The following ATP11A variants were observed in gnomAD, a reference collection of about 807,000 sequenced individuals.
ATP11A encodes the protein ATPase phospholipid transporting 11A.
In ATP11A, 81 loss-of-function variants were observed where a neutral mutation model predicts 154.4. The observed-to-expected ratio is 0.52, with a 90% CI of 0.44 to 0.63. The LOEUF is 0.63. Among genes scored for constraint, ATP11A ranks in the 30% least tolerant of loss-of-function variants. The pLI is 0.00. For synonymous variants in ATP11A, 623 were observed against 585.9 expected, an observed-to-expected ratio of 1.06 and a Z score of -0.91; for missense variants, 1,316 against 1,474.3, an observed-to-expected ratio of 0.89 and a Z score of 1.76.
At position 112,862,471 on chromosome 13, in the gene ATP11A, C is replaced by T. The variant is rs757158634; in HGVS notation, c.2887C>T (p.Arg963Cys). ...DVAKNALLRWRVFIYWTLLGL... is the reference protein window; with the variant it reads ...DVAKNALLRWCVFIYWTLLGL... ...CGCCAAGAATGCCCTGCTGCGCTGG[C>T]GCGTGTTCATCTACTGGACGCTCCT... The change falls in exon 25 of 30, where the codon CGC becomes TGC. Residue 963 changes from arginine (R) to cysteine (C), a missense_variant. Arg to Cys is a radical substitution (Grantham distance 180). Transcript: ENST00000375645. The T allele has an allele frequency of 1.2e-5, 20 of 1,613,964 alleles. No homozygotes were observed. Among genetic ancestry groups the T allele is most frequent in the East Asian group, 4.5e-5 (2 of 44,904 alleles).
intron 29 of ATP11A, among the ~76,000 whole-genome samples, chr13:112,879,516 C>T (rs145074719): frequency 2.2e-4 from 34 of 152,292 alleles, no homozygotes; most frequent in African/African-American, 7.0e-4. Context: ...AGCATTCTAA[C>T]GATTCATGTA....
intron 2 of ATP11A, among the ~76,000 whole-genome samples, chr13:112,789,137 T>A (rs1389723113): frequency 6.7e-6 from 1 of 149,024 alleles, no homozygotes; most frequent in East Asian, 2.0e-4. Context: ...GTGGTAGACC[T>A]ACTTAATTCA....
chr13:112,723,499 T>C (rs1184691963), intron 1 of ATP11A, among the ~76,000 whole-genome samples: 1 of 150,070 alleles, frequency 6.7e-6, no homozygotes, highest in Non-Finnish European at 1.5e-5. Flanking sequence ...CTCAAACTCC[T>C]AACCTCAGGT....
At chr13:112,805,567 G>T (rs184351062) in intron 3 of ATP11A, among the ~76,000 whole-genome samples, 1 of 151,726 alleles carries the variant, frequency 6.6e-6, no homozygotes, top group South Asian at 2.1e-4. Flanking sequence ...TCCCAGCTAC[G>T]CGGGAGGCTG....
rs1885985911 is a variant in ATP11A, at chr13:112,697,332, C to T, written c.39+6877C>T. 6.6e-6 allele frequency among the ~76,000 whole-genome samples: 1 copy of T among 152,068 alleles called. No individual in the cohort carries two copies. The highest frequency in any genetic ancestry group is 2.4e-5 in the African/African-American group (1 of 41,432). On this transcript the variant is annotated intron_variant, in intron 1 of 29. Coordinates refer to ENST00000375645, the MANE Select transcript of ATP11A (RefSeq NM_015205.3). The surrounding 1 kb of genome is among the most constrained non-coding windows in gnomAD (Gnocchi z 4.0). ...ACCCAGCCGTGTTCATTTCCGTGTTCCAGTGTCACCCGTGTGCCTAGAACG... is the reference window on the plus strand; with the variant it reads ...ACCCAGCCGTGTTCATTTCCGTGTTTCAGTGTCACCCGTGTGCCTAGAACG...
chr13:112,766,918 G>A (rs1351022988), intron 1 of ATP11A, among the ~76,000 whole-genome samples: 2 of 7,064 alleles, frequency 2.8e-4, no homozygotes, highest in African/African-American at 7.8e-3. Context: ...ATGTGGGGGT[G>A]TTGGGGGCCC....
intron 1 of ATP11A, among the ~76,000 whole-genome samples, chr13:112,759,170 A>G (rs889072187): frequency 6.6e-6 from 1 of 152,216 alleles, no homozygotes; most frequent in Admixed American, 6.5e-5. Flanking sequence ...CGTGCCTGCA[A>G]GCAAAGGAAA....
At chr13:112,716,562 G>A (rs1166581324) in intron 1 of ATP11A, among the ~76,000 whole-genome samples, 2 of 152,188 alleles carry the variant, frequency 1.3e-5, no homozygotes, top group East Asian at 1.9e-4. Context: ...GGACTGGGGC[G>A]TTCCCCACCT....
intron 2 of ATP11A, 108 bp from the exon 3 acceptor site, chr13:112,804,849 C>G (rs555337193): frequency 1.2e-5 from 7 of 595,164 alleles, no homozygotes; most frequent in African/African-American, 1.1e-4. Context: ...ATATCTAAAG[C>G]TAAACATTTT....
intron 9 of ATP11A, 29 bp downstream of exon 9, chr13:112,823,438 G>GC (rs2078852568): frequency 6.4e-7 from 1 of 1,556,158 alleles, no homozygotes; most frequent in Non-Finnish European, 8.8e-7. Context: ...ATTAACCATT[G>GC]CCCCTAACAT....
chr13:112,861,280 C>T (rs1485376119), intron 24 of ATP11A, among the ~76,000 whole-genome samples: 4 of 152,164 alleles, frequency 2.6e-5, no homozygotes, highest in African/African-American at 4.8e-5. Flanking sequence ...GGTGAGGACA[C>T]AGCCAAACCC....
intron 2 of ATP11A, among the ~76,000 whole-genome samples, chr13:112,786,831 C>G (rs2072079385): frequency 6.6e-6 from 1 of 152,226 alleles, no homozygotes; most frequent in African/African-American, 2.4e-5. Flanking sequence ...GGGTGTCCTG[C>G]CGTGTAAACT....
chr13:112,816,056 G>T, intron 5 of ATP11A, 27 bp from the exon 6 acceptor site: 2 of 1,613,510 alleles, frequency 1.2e-6, no homozygotes, highest in South Asian at 2.2e-5. Context: ...GCTTTCCATT[G>T]ACCATCCTTT....
intron 9 of ATP11A, 43 bp downstream of exon 9, chr13:112,823,452 G>A: frequency 6.6e-7 from 1 of 1,507,664 alleles, no homozygotes; most frequent in Non-Finnish European, 9.2e-7. Context: ...CTAACATTAA[G>A]GATGCATGAA....
intron 3 of ATP11A, 112 bp from the exon 4 acceptor site, chr13:112,806,101 G>T (rs1485109491): frequency 4.2e-6 from 3 of 720,848 alleles, no homozygotes; most frequent in East Asian, 2.5e-5. Context: ...GCCAGCAAAG[G>T]TCTTTAAATA....
chr13:112,703,229 G>C (rs915154699), intron 1 of ATP11A: 7 of 152,362 alleles, frequency 4.6e-5, no homozygotes, highest in Admixed American at 2.0e-4. Context: ...GCCCTCCTGG[G>C]GGGCAGGAGG....
At chr13:112,799,476 G>C (rs1208151721) in intron 2 of ATP11A, among the ~76,000 whole-genome samples, 1 of 152,174 alleles carries the variant, frequency 6.6e-6, no homozygotes, top group Non-Finnish European at 1.5e-5. Flanking sequence ...AGTTAAAGGT[G>C]GTTATCCCTT....
chr13:112,741,271 T>A (rs889643369), intron 1 of ATP11A, among the ~76,000 whole-genome samples: 1 of 149,374 alleles, frequency 6.7e-6, no homozygotes, highest in East Asian at 2.0e-4. Flanking sequence ...GGTGGCCCGG[T>A]CCCTGCGGGG....
At chr13:112,702,813 T>G (rs1023329817) in intron 1 of ATP11A, among the ~76,000 whole-genome samples, 24 of 152,246 alleles carry the variant, frequency 1.6e-4, no homozygotes, top group Non-Finnish European at 2.9e-4. Context: ...CGCCCCCACC[T>G]CGGTGTCTCA....
Sources: gnomAD v4.1 joint callset for allele counts (sites outside exome capture counted in the v4.1 genomes callset) on GRCh38, gnomAD v4.1.1 for gene constraint, Gnocchi (gnomAD v3.1) non-coding constraint, MANE v1.5 for transcripts, NCBI Gene and HGNC (gene_info 2026-07-23, HGNC 2026-07-21) for gene names.